CLIC1: variants seen among roughly 807,000 people sequenced by gnomAD.
The protein encoded by CLIC1 is chloride intracellular channel protein 1.
Under a neutral mutation model 26.4 loss-of-function variants are expected in CLIC1, and 16 were observed. The observed-to-expected ratio is 0.61, with a 90% CI of 0.41 to 0.92. The LOEUF (loss-of-function observed/expected upper bound fraction) is 0.92. CLIC1 is among the 40% of genes least tolerant of loss of function. The pLI is 0.00. For synonymous variants in CLIC1, 98 were observed against 120.8 expected, an observed-to-expected ratio of 0.81 and a Z score of 1.24; for missense variants, 225 against 289.7, an observed-to-expected ratio of 0.78 and a Z score of 1.62.
Position 31,736,226 on chromosome 6 carries a change from A to T in CLIC1, c.39+36T>A, listed in dbSNP as rs561651641. 1.9e-6 allele frequency: 3 copies of T among 1,610,930 alleles called. No individual in the cohort carries two copies. Among genetic ancestry groups the T allele is most frequent in the Middle Eastern group, 3.3e-4 (2 of 6,062 alleles). Reference sequence around the variant, plus strand: ...GGGGGAAAGGTGAGAGTTGGCTTCCAGGAATTTGGGTGGCTGAGGAGAGAA... The same window carrying T: ...GGGGGAAAGGTGAGAGTTGGCTTCCTGGAATTTGGGTGGCTGAGGAGAGAA... On this transcript the variant is annotated intron_variant, in intron 1 of 5. Coordinates refer to ENST00000375784, the Ensembl canonical transcript of CLIC1. The surrounding 1 kb of genome is among the most constrained non-coding windows in gnomAD (Gnocchi z 5.0).
At position 31,733,249 on chromosome 6, in the gene CLIC1, G is replaced by T. The variant is rs925087173; in HGVS notation, c.382+317C>A. 2.0e-5 allele frequency among the ~76,000 whole-genome samples: 3 copies of T among 152,172 alleles called. No homozygotes were observed. The highest frequency in any genetic ancestry group is 1.3e-4 in the Admixed American group (2 of 15,282). ...CAAAATTATACGGCTAGTTGGATTT[G>T]TACTCAGGTAGTCTGGATCTAGAGT... is the stretch of plus-strand genomic sequence containing the variant. On this transcript the variant is annotated intron_variant, in intron 4 of 5. Coordinates refer to ENST00000375784, the Ensembl canonical transcript of CLIC1. This position sits in a 1 kb window ranked among gnomAD's most constrained non-coding sequence, Gnocchi z 5.4.
Position 31,732,420 on chromosome 6 carries a change from T to G in CLIC1, c.383-22A>C. ...AGATCTGTGCAAGAGAGGGAACTGA[T>G]TAGAACTTCAGGAAAAGATTGACAT... On this transcript the variant is annotated intron_variant, in intron 4 of 5. Transcript: ENST00000375784. This position sits in a 1 kb window ranked among gnomAD's most constrained non-coding sequence, Gnocchi z 5.0. 1 of 1,420,264 alleles carries G rather than the reference T, an allele frequency of 7.0e-7. No individual in the cohort carries two copies. Among genetic ancestry groups the G allele is most frequent in the Non-Finnish European group, 9.2e-7 (1 of 1,081,574 alleles). 88.0% of individuals were successfully genotyped at this position (1,420,264 alleles called of 1,614,324 possible).
chr6:31,736,417 A>G lies in CLIC1; in HGVS notation c.-117T>C. On this transcript the variant is annotated 5_prime_UTR_variant, in exon 1 of 6. Transcript: ENST00000375784. This position sits in a 1 kb window ranked among gnomAD's most constrained non-coding sequence, Gnocchi z 5.0. Reference sequence around the variant, plus strand: ...CCCCTAGACCCAGGGCTGTCCCTTCAGCACAACACAAGCTCAATCAGACCT... The same window carrying G: ...CCCCTAGACCCAGGGCTGTCCCTTCGGCACAACACAAGCTCAATCAGACCT... 1 of 1,561,118 alleles carries G rather than the reference A, an allele frequency of 6.4e-7. No homozygotes were observed. The highest frequency in any genetic ancestry group is 8.7e-7 in the Non-Finnish European group (1 of 1,152,274).
intron 5 of CLIC1, 97 bp from the exon 6 acceptor site, chr6:31,731,100 A>C: frequency 9.7e-7 from 1 of 1,029,950 alleles, no homozygotes; most frequent in Non-Finnish European, 1.4e-6. Context: ...AACCAGCTCA[A>C]CTCCTCACTG....
chr6:31,734,372 C>A lies in CLIC1; in HGVS notation c.40-109G>T. The stretch of plus-strand genomic sequence containing the variant: ...AGCTGTTTTCTGCCTAGTCATGACA[C>A]ATACACTGTCCCCTCACTATGGGCT... On this transcript the variant is annotated intron_variant, in intron 1 of 5. Transcript: ENST00000375784. The surrounding 1 kb of genome is among the most constrained non-coding windows in gnomAD (Gnocchi z 5.3). 1 of 786,146 alleles carries A rather than the reference C, an allele frequency of 1.3e-6. No homozygotes were observed. Among genetic ancestry groups the A allele is most frequent in the South Asian group, 1.6e-5 (1 of 64,280 alleles). The allele number at this position is 786,146 out of a possible 1,614,324, so 48.7% of individuals were successfully genotyped here.
chr6:31,732,703 A>G lies in CLIC1; in HGVS notation c.383-305T>C, dbSNP rs1405918267. On this transcript the variant is annotated intron_variant, in intron 4 of 5. Transcript: ENST00000375784. The surrounding 1 kb of genome is among the most constrained non-coding windows in gnomAD (Gnocchi z 5.0). ...TGGGATTACAGGTGCCTGCCACCAC[A>G]ACTGGCTAATTTTTGTATTTTTTTC... 6.6e-6 allele frequency among the ~76,000 whole-genome samples: 1 copy of G among 151,700 alleles called. No homozygotes were observed. Among genetic ancestry groups the G allele is most frequent in the East Asian group, 2.0e-4 (1 of 5,094 alleles).
chr6:31,736,154 G>C lies in CLIC1; in HGVS notation c.39+108C>G. 1 of 1,130,706 alleles carries C rather than the reference G, an allele frequency of 8.8e-7. No individual in the cohort carries two copies. The highest frequency in any genetic ancestry group is 1.3e-6 in the Non-Finnish European group (1 of 746,258). 70.0% of individuals were successfully genotyped at this position (1,130,706 alleles called of 1,614,324 possible). Reference sequence around the variant, plus strand: ...CAACCAAAGAGTGCACGTGGGATTGGGGGTGGGAGTCAAGGAGGGAAGGGA... The same window carrying C: ...CAACCAAAGAGTGCACGTGGGATTGCGGGTGGGAGTCAAGGAGGGAAGGGA... On this transcript the variant is annotated intron_variant, in intron 1 of 5. Transcript: ENST00000375784. The surrounding 1 kb of genome is among the most constrained non-coding windows in gnomAD (Gnocchi z 5.0).
chr6:31,736,708 A>G (rs946809362), upstream of CLIC1: 10 of 1,035,178 alleles, frequency 9.7e-6, no homozygotes, highest in African/African-American at 1.3e-4. This position sits in a 1 kb window ranked among gnomAD's most constrained non-coding sequence, Gnocchi z 5.0. Flanking sequence ...CCTCTCCTGA[A>G]CACAGGACTC....
upstream of CLIC1, chr6:31,737,194 G>A (rs527333543): frequency 6.6e-6 from 1 of 152,520 alleles, no homozygotes; most frequent in Non-Finnish European, 1.5e-5. Context: ...GAGGCCAAGG[G>A]GGGTGGATCA....
Position 31,733,856 on chromosome 6 carries a change from C to T in CLIC1, c.255G>A (p.Glu85=). 1 of 1,614,212 alleles carries T rather than the reference C, an allele frequency of 6.2e-7. No individual in the cohort carries two copies. The highest frequency in any genetic ancestry group is 8.5e-7 in the Non-Finnish European group (1 of 1,180,046). ...TATACCTGGGAGGGCACAGCACTGC[C>T]TCCAGAAATTCCTCAATCTTGTTGG... The change falls in exon 3 of 6, where the codon GAG becomes GAA. Residue 85 remains glutamate (E), a synonymous_variant. Coordinates refer to ENST00000375784, the Ensembl canonical transcript of CLIC1. The surrounding 1 kb of genome is among the most constrained non-coding windows in gnomAD (Gnocchi z 5.4).
In CLIC1 at chr6:31,733,354, G is replaced by A. The variant is rs1440963389; in HGVS notation, c.382+212C>T. Among the ~76,000 whole-genome samples the A allele has an allele frequency of 6.6e-6, 1 of 152,152 alleles. No individual in the cohort carries two copies. Among genetic ancestry groups the A allele is most frequent in the Non-Finnish European group, 1.5e-5 (1 of 68,028 alleles). ...CTAACGTCCTCAGTGGGGCAGAAGA[G>A]GCTAGGGAACAAATGAGAAAAGCTT... is the stretch of plus-strand genomic sequence containing the variant. On this transcript the variant is annotated intron_variant, in intron 4 of 5. Transcript: ENST00000375784. The surrounding 1 kb of genome is among the most constrained non-coding windows in gnomAD (Gnocchi z 5.4).
In CLIC1 at chr6:31,735,807, C is replaced by CCACACACACACA. The variant is rs9281564; in HGVS notation, c.39+443_39+454dup. ...ACCGTCTTCCCTGAAGCGTCTCCAT[C>CCACACACACACA]CACACACACACACACACACACACAC... On this transcript the variant is annotated intron_variant, in intron 1 of 5. Transcript: ENST00000375784. 4.3e-3 allele frequency among the ~76,000 whole-genome samples: 533 copies of CCACACACACACA among 124,946 alleles called. 3 individuals are homozygous for CCACACACACACA. The highest frequency in any genetic ancestry group is 7.9e-3 in the East Asian group (32 of 4,054). The allele number at this position is 124,946 out of a possible 152,430, so 82.0% of individuals were successfully genotyped here.
Position 31,736,481 on chromosome 6 carries a change from A to C in CLIC1, c.-181T>G. The C allele has an allele frequency of 3.6e-6, 5 of 1,399,102 alleles. No homozygotes were observed. The highest frequency in any genetic ancestry group is 3.2e-5 in the South Asian group (2 of 62,748). The allele number at this position is 1,399,102 out of a possible 1,614,324, so 86.7% of individuals were successfully genotyped here. ...CTAGGCCTCCCCACCAGCCCAACGC[A>C]CCCCACACCCAGCTCCTCCAGCTCG... On this transcript the variant is annotated 5_prime_UTR_variant, in exon 1 of 6. Transcript: ENST00000375784. This position sits in a 1 kb window ranked among gnomAD's most constrained non-coding sequence, Gnocchi z 5.0.
rs1308771835 is a variant in CLIC1, at chr6:31,730,620, C to G, written c.*222G>C. 1.8e-6 allele frequency: 1 copy of G among 542,536 alleles called. No homozygotes were observed. The highest frequency in any genetic ancestry group is 3.3e-6 in the Non-Finnish European group (1 of 304,156). 33.6% of individuals were successfully genotyped at this position (542,536 alleles called of 1,614,324 possible). A position where few individuals can be genotyped will look rare whatever the true frequency, so the allele number is the denominator to read the frequency against. ...TTGATTTTTATTCTGTATTTTATTA[C>G]TGAAATATGTTGTCCTACTCATCCC... On this transcript the variant is annotated 3_prime_UTR_variant, in exon 6 of 6. Coordinates refer to ENST00000375784, the Ensembl canonical transcript of CLIC1. The surrounding 1 kb of genome is among the most constrained non-coding windows in gnomAD (Gnocchi z 5.1).
Position 31,732,536 on chromosome 6 carries a change from T to C in CLIC1, c.383-138A>G. The C allele has an allele frequency of 1.9e-6, 1 of 516,944 alleles. No individual in the cohort carries two copies. The highest frequency in any genetic ancestry group is 3.2e-6 in the Non-Finnish European group (1 of 316,904). 32.0% of individuals were successfully genotyped at this position (516,944 alleles called of 1,614,324 possible). ...ATGTAGTTACTTTTCTATGTGTTAT[T>C]CTAAGCACTTTACATTTTATTTTAT... On this transcript the variant is annotated intron_variant, in intron 4 of 5. Coordinates refer to ENST00000375784, the Ensembl canonical transcript of CLIC1. The surrounding 1 kb of genome is among the most constrained non-coding windows in gnomAD (Gnocchi z 5.0).
rs758387670 is a variant in CLIC1, at chr6:31,734,705, G to A, written c.40-442C>T. Among the ~76,000 whole-genome samples, 1 of 152,132 alleles carries A rather than the reference G, an allele frequency of 6.6e-6. No individual in the cohort carries two copies. Among genetic ancestry groups the A allele is most frequent in the Non-Finnish European group, 1.5e-5 (1 of 68,026 alleles). On this transcript the variant is annotated intron_variant, in intron 1 of 5. Transcript: ENST00000375784. This position sits in a 1 kb window ranked among gnomAD's most constrained non-coding sequence, Gnocchi z 5.3. ...ACACCTCCAATCCAAGGTGTCTTTG[G>A]GTGGGGAGTCTAGTCAAGGGGCCCT...
In CLIC1 at chr6:31,732,967, C is replaced by T. The variant is rs1293730164; in HGVS notation, c.383-569G>A. Among the ~76,000 whole-genome samples, 2 of 151,300 alleles carry T rather than the reference C, an allele frequency of 1.3e-5. No homozygotes were observed. The highest frequency in any genetic ancestry group is 4.9e-5 in the African/African-American group (2 of 41,196). ...TGAAACCCTGTCTCTACTAAAAATA[C>T]AAAAATTAGCTGGGCGTGGTGATGC... On this transcript the variant is annotated intron_variant, in intron 4 of 5. Transcript: ENST00000375784. This position sits in a 1 kb window ranked among gnomAD's most constrained non-coding sequence, Gnocchi z 5.0.
chr6:31,734,221 G>A lies in CLIC1; in HGVS notation c.82C>T (p.Gln28Ter). Residue 28 changes from glutamine (Q) to a stop codon, truncating the protein, a stop_gained, in exon 2 of 6, where the codon CAG (glutamine) becomes TAG (stop). Coordinates refer to ENST00000375784, the Ensembl canonical transcript of CLIC1. LOFTEE classifies it high-confidence loss of function. This position sits in a 1 kb window ranked among gnomAD's most constrained non-coding sequence, Gnocchi z 5.3. ...AGCCACAGTACCATGAACAGTCTCT[G>A]GGAGAATGGGCAGTTCCCAATCTTG... 6.2e-7 allele frequency: 1 copy of A among 1,614,196 alleles called. No individual in the cohort carries two copies. The highest frequency in any genetic ancestry group is 8.5e-7 in the Non-Finnish European group (1 of 1,180,030).
chr6:31,733,756 C>G lies in CLIC1; in HGVS notation c.275+80G>C. 5 of 1,605,450 alleles carry G rather than the reference C, an allele frequency of 3.1e-6. No homozygotes were observed. The South Asian group carries it at 3.3e-5, about 11-fold the overall frequency. ...TCTCCTGCCCCAGCCCCACCACCAT[C>G]TCTGTTTTCCATTTCTGCAAACTGT... On this transcript the variant is annotated intron_variant, in intron 3 of 5. Coordinates refer to ENST00000375784, the Ensembl canonical transcript of CLIC1. This position sits in a 1 kb window ranked among gnomAD's most constrained non-coding sequence, Gnocchi z 5.4.
Sources: allele counts gnomAD v4.1 joint callset (sites outside exome capture counted in the v4.1 genomes callset), GRCh38; gene constraint gnomAD v4.1.1; non-coding constraint Gnocchi (gnomAD v3.1); transcripts MANE v1.5; gene names NCBI Gene and HGNC (gene_info 2026-07-23, HGNC 2026-07-21).